GRIN2A: variants seen among roughly 807,000 people sequenced by gnomAD.
The protein encoded by GRIN2A is glutamate receptor ionotropic, NMDA 2A.
In GRIN2A, 22 loss-of-function variants were observed where a neutral mutation model predicts 113.4. The ratio of observed to expected loss-of-function variants is 0.19; its 90% CI spans 0.14 to 0.28. GRIN2A has a LOEUF of 0.28. GRIN2A is among the 10% of genes least tolerant of loss of function. The pLI is 1.00. For synonymous variants in GRIN2A, 827 were observed against 738.4 expected (o/e 1.12, Z -1.94); for missense variants, 1,502 against 1,887.0 (o/e 0.80, Z 3.78).
At chr16:10,020,785 T>G (rs187378815) in intron 2 of GRIN2A, among the ~76,000 whole-genome samples, 3 of 152,148 alleles carry the variant, frequency 2.0e-5, no homozygotes, top group Admixed American at 6.5e-5. Flanking sequence ...AAAAGCATTA[T>G]TTTACTATAA....
intron 2 of GRIN2A, among the ~76,000 whole-genome samples, chr16:9,963,643 G>A (rs1216296511): frequency 1.3e-5 from 2 of 152,184 alleles, no homozygotes; most frequent in African/African-American, 4.8e-5. Context: ...TATACTATAT[G>A]TAAGCTATGC....
chr16:9,955,909 G>A (rs9935885), intron 2 of GRIN2A, among the ~76,000 whole-genome samples: 1,796 of 152,224 alleles, frequency 0.012, 30 homozygotes, highest in African/African-American at 0.041. Context: ...ATCACCTTTG[G>A]GCAGAAATCC....
intron 9 of GRIN2A, among the ~76,000 whole-genome samples, chr16:9,828,526 G>A (rs191310017): frequency 1.3e-5 from 2 of 152,292 alleles, no homozygotes; most frequent in East Asian, 1.9e-4. Flanking sequence ...TTTATAACGA[G>A]AGACAAATTA....
intron 2 of GRIN2A, among the ~76,000 whole-genome samples, chr16:10,099,690 G>T (rs8049812): frequency 0.43 from 65,350 of 152,070 alleles, 15,273 homozygotes; most frequent in Admixed American, 0.57. Flanking sequence ...CAGAATAAAG[G>T]TAACTCACTT....
At chr16:10,038,266 A>T (rs1317211440) in intron 2 of GRIN2A, among the ~76,000 whole-genome samples, 4 of 151,470 alleles carry the variant, frequency 2.6e-5, no homozygotes, top group Non-Finnish European at 4.4e-5. Flanking sequence ...TGACTTAATC[A>T]CCTCCCAAAG....
chr16:10,071,731 C>T (rs2047754399), intron 2 of GRIN2A, among the ~76,000 whole-genome samples: 1 of 152,200 alleles, frequency 6.6e-6, no homozygotes. Context: ...CTGCTTCTAT[C>T]ACCAGTATGG....
At chr16:9,962,638 A>G (rs2045465610) in intron 2 of GRIN2A, among the ~76,000 whole-genome samples, 1 of 152,176 alleles carries the variant, frequency 6.6e-6, no homozygotes. Flanking sequence ...GATGTGGAGA[A>G]ATAGGAACAT....
rs372878592 is a variant in GRIN2A at position 9,768,715 on chromosome 16, A to G, written c.2595+136T>C. On this transcript the variant is annotated intron_variant, in intron 12 of 12. Coordinates refer to ENST00000330684, the MANE Select transcript of GRIN2A (RefSeq NM_001134407.3). ...CAACACCTGGCTTATGAATGCACAA[A>G]ATCTGGATGCTCTTGTGACATGCCC... 68 of 772,208 alleles carry G rather than the reference A, an allele frequency of 8.8e-5. No individual in the cohort carries two copies. In the African/African-American group the frequency reaches 1.0e-3, roughly 12 times the overall value. The allele number at this position is 772,208 out of a possible 1,614,324, so 47.8% of individuals were successfully genotyped here.
chr16:9,848,127 A>T (rs1218494452), intron 5 of GRIN2A, among the ~76,000 whole-genome samples: 2 of 147,792 alleles, frequency 1.4e-5, no homozygotes, highest in East Asian at 1.9e-4. Context: ...TTTATATATA[A>T]AAATAGTTTA....
chr16:10,067,778 A>C (rs13331457), intron 2 of GRIN2A, among the ~76,000 whole-genome samples: 14,918 of 152,020 alleles, frequency 0.098, 814 homozygotes, highest in African/African-American at 0.12. Context: ...TGGATGCATG[A>C]GGGTTGTCAT....
In GRIN2A at chr16:9,785,508, A is replaced by G. The variant is rs1215888330; in HGVS notation, c.2356+12769T>C. On this transcript the variant is annotated intron_variant, in intron 11 of 12. Transcript: ENST00000330684. ...AATGTTAAATGACGAGTTAATGGGT[A>G]CAGCACACCAACATGGCACATGTAC... is the stretch of plus-strand genomic sequence containing the variant. 3.9e-5 allele frequency among the ~76,000 whole-genome samples: 6 copies of G among 151,968 alleles called. No homozygotes were observed. The South Asian group carries it at 8.4e-4, about 21-fold the overall frequency.
chr16:10,054,632 G>A (rs1477559617), intron 2 of GRIN2A, among the ~76,000 whole-genome samples: 3 of 151,938 alleles, frequency 2.0e-5, no homozygotes, highest in South Asian at 2.1e-4. Context: ...TTCAGTTCAT[G>A]GATAAGTAAA....
At chr16:10,136,811 T>C (rs1415757120) in intron 2 of GRIN2A, among the ~76,000 whole-genome samples, 1 of 152,230 alleles carries the variant, frequency 6.6e-6, no homozygotes, top group Admixed American at 6.5e-5. Flanking sequence ...TTTCGTTTTA[T>C]CATTATTATG....
At chr16:9,881,826 C>T (rs532374714) in intron 4 of GRIN2A, among the ~76,000 whole-genome samples, 27 of 152,242 alleles carry the variant, frequency 1.8e-4, no homozygotes, top group African/African-American at 6.3e-4. Context: ...TTCTCCCTGC[C>T]GGTAGAATGT....
intron 2 of GRIN2A, among the ~76,000 whole-genome samples, chr16:10,085,500 G>A (rs2048069967): frequency 6.6e-6 from 1 of 152,148 alleles, no homozygotes; most frequent in South Asian, 2.1e-4. Context: ...GGACATGAAG[G>A]CACTCAGTGT....
At chr16:9,979,159 C>A (rs2045834680) in intron 2 of GRIN2A, among the ~76,000 whole-genome samples, 1 of 152,152 alleles carries the variant, frequency 6.6e-6, no homozygotes, top group South Asian at 2.1e-4. Context: ...TCAAAAGGAA[C>A]ACTAGATCTG....
chr16:10,023,642 T>C (rs1039837787), intron 2 of GRIN2A, among the ~76,000 whole-genome samples: 8 of 152,196 alleles, frequency 5.3e-5, no homozygotes, highest in African/African-American at 1.7e-4. Flanking sequence ...TTTCCTCTCA[T>C]CTTGGTTCAA....
chr16:10,096,098 G>C (rs1238325010), intron 2 of GRIN2A, among the ~76,000 whole-genome samples: 1 of 152,182 alleles, frequency 6.6e-6, no homozygotes, highest in East Asian at 1.9e-4. Context: ...AAAAACATAT[G>C]AGCCCAAGCC....
chr16:9,899,873 G>A (rs2043883618), intron 3 of GRIN2A, among the ~76,000 whole-genome samples: 1 of 152,212 alleles, frequency 6.6e-6, no homozygotes, highest in Non-Finnish European at 1.5e-5. Context: ...ACTGCCAAGA[G>A]GCAATATTGC....
Sources: gnomAD v4.1 joint callset for allele counts (sites outside exome capture counted in the v4.1 genomes callset) on GRCh38, gnomAD v4.1.1 for gene constraint, MANE v1.5 for transcripts, NCBI Gene and HGNC (gene_info 2026-07-23, HGNC 2026-07-21) for gene names.